The following CMTM8 variants were observed in gnomAD, a reference collection of about 807,000 sequenced individuals.
CMTM8 encodes the protein CKLF-like MARVEL transmembrane domain-containing protein 8.
CMTM8 carries 12 observed loss-of-function variants against 18.6 expected under a neutral mutation model. The observed-to-expected ratio is 0.65, with a 90% confidence interval of 0.41 to 1.05. CMTM8 has a LOEUF of 1.05. CMTM8 is among the 50% of genes least tolerant of loss of function. The pLI is 0.00. For missense variants in CMTM8, 217 were observed against 227.2 expected (o/e 0.95, Z 0.29); for synonymous variants, 87 against 90.6 (o/e 0.96, Z 0.23).
At chr3:32,286,097 C>T (rs534536381) in intron 1 of CMTM8, among the ~76,000 whole-genome samples, 155 of 152,308 alleles carry the variant, frequency 1.0e-3, no homozygotes, top group African/African-American at 3.6e-3. Context: ...AGACTTTTTC[C>T]GTCAAGGGTC....
chr3:32,258,510 T>G (rs1317247561), intron 1 of CMTM8, among the ~76,000 whole-genome samples: 1 of 152,172 alleles, frequency 6.6e-6, no homozygotes, highest in Non-Finnish European at 1.5e-5. Context: ...TTGTTTTTTT[T>G]GTTTTGTTTT....
chr3:32,327,113 T>TAAACAAAAAAAAAAAAA (rs1696176249), intron 1 of CMTM8, among the ~76,000 whole-genome samples: 1 of 141,058 alleles, frequency 7.1e-6, no homozygotes. Context: ...CTAGAAGAGT[T>TAAACAAAAAAAAAAAAA]AAAAAAAAAA....
chr3:32,305,352 G>T (rs956008626), intron 1 of CMTM8, among the ~76,000 whole-genome samples: 5 of 151,724 alleles, frequency 3.3e-5, no homozygotes, highest in Admixed American at 1.3e-4. Flanking sequence ...TGCGACTGGA[G>T]ACATTTTTGA....
chr3:32,301,340 T>C (rs1381045784), intron 1 of CMTM8, among the ~76,000 whole-genome samples: 1 of 149,752 alleles, frequency 6.7e-6, no homozygotes, highest in Non-Finnish European at 1.5e-5. Flanking sequence ...AGAGCTGACC[T>C]TTTCAAAAAA....
chr3:32,288,914 A>G (rs1702732381), intron 1 of CMTM8, among the ~76,000 whole-genome samples: 1 of 152,182 alleles, frequency 6.6e-6, no homozygotes, highest in South Asian at 2.1e-4. Flanking sequence ...TGGTGAGGAA[A>G]CCATGAAAAG....
chr3:32,311,011 C>A (rs1013653187), intron 1 of CMTM8, among the ~76,000 whole-genome samples: 1 of 152,184 alleles, frequency 6.6e-6, no homozygotes, highest in Non-Finnish European at 1.5e-5. Flanking sequence ...GCCAACAATA[C>A]TGCACAGCAA....
chr3:32,367,792 A>T (rs1240896415), intron 2 of CMTM8, 80 bp from the exon 3 acceptor site: 6 of 928,314 alleles, frequency 6.5e-6, no homozygotes, highest in Non-Finnish European at 1.7e-6. Context: ...CACCAGAGGT[A>T]CAGCCCTCAT....
intron 1 of CMTM8, among the ~76,000 whole-genome samples, chr3:32,290,893 G>A (rs1702768600): frequency 1.3e-5 from 2 of 152,144 alleles, no homozygotes; most frequent in African/African-American, 2.4e-5. Flanking sequence ...TGAAATGGTC[G>A]AAGAATTACG....
chr3:32,348,528 A>C lies in CMTM8; in HGVS notation c.148-8845A>C, dbSNP rs556012567. On this transcript the variant is annotated intron_variant, in intron 1 of 3. Coordinates refer to ENST00000307526, the MANE Select transcript of CMTM8 (RefSeq NM_178868.5). Reference sequence around the variant, plus strand: ...ATTTTCTTCACTCTCTCTTCCTGGAACTTTTTTTTTTTTTGGAGACAAGAT... The same window carrying C: ...ATTTTCTTCACTCTCTCTTCCTGGACCTTTTTTTTTTTTTGGAGACAAGAT... 3.0e-3 allele frequency among the ~76,000 whole-genome samples: 49 copies of C among 16,232 alleles called. No homozygotes were observed. In the South Asian group the frequency reaches 0.1, roughly 34 times the overall value. 10.6% of individuals were successfully genotyped at this position (16,232 alleles called of 152,430 possible).
chr3:32,285,154 G>A (rs925605944), intron 1 of CMTM8, among the ~76,000 whole-genome samples: 2 of 152,170 alleles, frequency 1.3e-5, no homozygotes, highest in African/African-American at 4.8e-5. Flanking sequence ...TTGGGATTAT[G>A]TAATATAGTA....
intron 1 of CMTM8, among the ~76,000 whole-genome samples, chr3:32,282,447 G>A (rs77299785): frequency 2.4e-4 from 37 of 152,026 alleles, no homozygotes; most frequent in African/African-American, 7.7e-4. Context: ...ATTATTTTTA[G>A]CTATGAGAAT....
intron 1 of CMTM8, among the ~76,000 whole-genome samples, chr3:32,277,609 TC>T (rs1241663058): frequency 6.6e-6 from 1 of 152,096 alleles, no homozygotes; most frequent in Non-Finnish European, 1.5e-5. Flanking sequence ...TTGTCCAAAC[TC>T]AAAGGACTCT....
At chr3:32,280,031 T>A (rs1267657141) in intron 1 of CMTM8, among the ~76,000 whole-genome samples, 2 of 130,322 alleles carry the variant, frequency 1.5e-5, no homozygotes, top group African/African-American at 5.6e-5. Flanking sequence ...CCACTGTCAA[T>A]ATAATTAGTG....
intron 1 of CMTM8, among the ~76,000 whole-genome samples, chr3:32,295,855 T>C (rs1702869767): frequency 6.6e-6 from 1 of 152,200 alleles, no homozygotes; most frequent in Non-Finnish European, 1.5e-5. Flanking sequence ...CCTGGATATC[T>C]ATCCACCCTA....
chr3:32,284,288 T>G (rs1341165974), intron 1 of CMTM8, among the ~76,000 whole-genome samples: 1 of 152,108 alleles, frequency 6.6e-6, no homozygotes, highest in Non-Finnish European at 1.5e-5. Flanking sequence ...ATATATACAC[T>G]TAGATTTAAC....
intron 2 of CMTM8, among the ~76,000 whole-genome samples, chr3:32,363,286 T>C (rs1222240707): frequency 6.6e-6 from 1 of 152,232 alleles, no homozygotes; most frequent in African/African-American, 2.4e-5. Context: ...CTGCCATCTT[T>C]AACAGTTGGC....
chr3:32,364,908 C>T (rs1451169632), intron 2 of CMTM8, among the ~76,000 whole-genome samples: 3 of 152,178 alleles, frequency 2.0e-5, no homozygotes, highest in East Asian at 1.9e-4. Flanking sequence ...AGGGGATGTT[C>T]GCAGCAGTGA....
Position 32,240,075 on chromosome 3 carries a change from T to C in CMTM8, c.147+956T>C, listed in dbSNP as rs187799860. The stretch of plus-strand genomic sequence containing the variant: ...CCCCTCTGTCATCTCTCACAGACTT[T>C]TGTTAAATATTTGGGAATTGAAAAT... On this transcript the variant is annotated intron_variant, in intron 1 of 3. Transcript: ENST00000307526. Among the ~76,000 whole-genome samples the C allele has an allele frequency of 2.5e-3, 386 of 152,332 alleles. 1 individual carries two copies. Among genetic ancestry groups the C allele is most frequent in the African/African-American group, 8.9e-3 (372 of 41,572 alleles).
chr3:32,352,980 TTTTG>T (rs1440402180), intron 1 of CMTM8, among the ~76,000 whole-genome samples: 3 of 152,070 alleles, frequency 2.0e-5, no homozygotes, highest in Non-Finnish European at 2.9e-5. Flanking sequence ...AACTAAGGTT[TTTTG>T]TTTGTTTGTG....
Sources: gnomAD v4.1 joint callset for allele counts (sites outside exome capture counted in the v4.1 genomes callset) on GRCh38, gnomAD v4.1.1 for gene constraint, MANE v1.5 for transcripts, NCBI Gene and HGNC (gene_info 2026-07-23, HGNC 2026-07-21) for gene names.